ANGEL2: variants seen among roughly 807,000 people sequenced by gnomAD.
The protein encoded by ANGEL2 is RNA 2',3'-cyclic phosphatase ANGEL2.
ANGEL2 carries 41 observed loss-of-function variants against 66.0 expected under a neutral mutation model. That is an observed-to-expected ratio of 0.62 (90% CI 0.48 to 0.81). The LOEUF is 0.81. Among genes scored for constraint, ANGEL2 ranks in the 30% least tolerant of loss-of-function variants. The pLI is 0.00. For missense variants in ANGEL2, 561 were observed against 641.6 expected (o/e 0.87, Z 1.36); for synonymous variants, 208 against 226.5 (o/e 0.92, Z 0.73).
intron 5 of ANGEL2, 126 bp downstream of exon 5, chr1:213,004,907 T>TA (rs1212611257): frequency 3.3e-5 from 10 of 307,292 alleles, no homozygotes; most frequent in Admixed American, 1.0e-4. Context: ...TGGAAAATCA[T>TA]AGTTTGATAA....
At chr1:213,011,609 T>C (rs1045634682) in intron 2 of ANGEL2, 2 of 319,660 alleles carry the variant, frequency 6.3e-6, no homozygotes, top group African/African-American at 2.3e-5. Context: ...TGACATACAG[T>C]ATCTCATTTC....
In ANGEL2 at chr1:213,007,214, T is replaced by C. The variant is rs761421056; in HGVS notation, c.643-16A>G. The C allele has an allele frequency of 2.6e-6, 4 of 1,535,740 alleles. No homozygotes were observed. Among genetic ancestry groups the C allele is most frequent in the South Asian group, 1.3e-5 (1 of 79,636 alleles). ...AACAAAGTACCTTGGAAGAAAAAAA[T>C]AGCTTGAATTAGAACACAGAGATGC... On this transcript the variant is annotated splice_polypyrimidine_tract_variant and intron_variant, in intron 3 of 8. Transcript: ENST00000366962.
intron 2 of ANGEL2, among the ~76,000 whole-genome samples, chr1:213,010,870 T>G (rs1014571840): frequency 1.1e-4 from 16 of 152,352 alleles, no homozygotes; most frequent in Non-Finnish European, 2.1e-4. Context: ...CATTAAAGTT[T>G]ATAAACAACT....
chr1:213,015,441 A>C, intron 1 of ANGEL2, 172 bp downstream of exon 1: 1 of 1,425,400 alleles, frequency 7.0e-7, no homozygotes, highest in African/African-American at 1.4e-5. Flanking sequence ...GGGTTTACCT[A>C]TCCCGCTTGG....
chr1:213,005,601 A>C (rs1389229406), intron 4 of ANGEL2, 147 bp from the exon 5 acceptor site: 7 of 919,324 alleles, frequency 7.6e-6, no homozygotes, highest in Non-Finnish European at 9.5e-6. Context: ...TTGGAATAAA[A>C]AACGTTTGAC....
chr1:213,008,485 C>A lies in ANGEL2; in HGVS notation c.386-19G>T. The A allele has an allele frequency of 1.2e-6, 2 of 1,604,876 alleles. No individual in the cohort carries two copies. The highest frequency in any genetic ancestry group is 1.7e-6 in the Non-Finnish European group (2 of 1,175,560). On this transcript the variant is annotated intron_variant, in intron 2 of 8. Transcript: ENST00000366962. ...ATCACACCTGTTAAAATATATTGCA[C>A]AAATATAAGGAATTAATCAAAAGCA... is the stretch of plus-strand genomic sequence containing the variant.
chr1:213,000,985 TAAATA>T (rs1480250577), intron 5 of ANGEL2, 73 bp from the exon 6 acceptor site: 5 of 1,438,098 alleles, frequency 3.5e-6, no homozygotes, highest in South Asian at 1.3e-5. Flanking sequence ...ATTTATGTCT[TAAATA>T]AAAGGTAATC....
Position 213,005,360 on chromosome 1 carries a change from G to A in ANGEL2, c.807C>T (p.Asn269=), listed in dbSNP as rs753404842. The change falls in exon 5 of 9, where the codon AAC becomes AAT. Residue 269 remains asparagine, a synonymous_variant. Transcript: ENST00000366962. ...TATCAGGGCGGAAGAATTCCACTGG[G>A]TTCACTGACAAGAGTGAAAATTTGG... The part of the protein sequence containing the change: ...KHSKFSLLSV[N]PVEFFRPDIS... 2 of 1,614,216 alleles carry A rather than the reference G, an allele frequency of 1.2e-6. No homozygotes were observed. The highest frequency in any genetic ancestry group is 1.1e-5 in the South Asian group (1 of 91,082).
At chr1:213,005,497 ATATT>A in intron 4 of ANGEL2, 43 bp from the exon 5 acceptor site, 1 of 1,510,202 alleles carries the variant, frequency 6.6e-7, no homozygotes. Flanking sequence ...CTGCTTTTAT[ATATT>A]TATCAAAACA....
intron 2 of ANGEL2, among the ~76,000 whole-genome samples, chr1:213,011,751 T>C (rs2076515213): frequency 6.6e-6 from 1 of 152,212 alleles, no homozygotes; most frequent in African/African-American, 2.4e-5. Context: ...CCTAAATCAA[T>C]GCTTATGTAG....
intron 7 of ANGEL2, among the ~76,000 whole-genome samples, chr1:212,998,762 A>G (rs1338582465): frequency 1.3e-5 from 2 of 151,616 alleles, no homozygotes; most frequent in South Asian, 2.1e-4. Flanking sequence ...TCCTGACCTC[A>G]TGATCCGCCC....
In ANGEL2 at chr1:213,013,344, C is replaced by T. The variant is rs367786765; in HGVS notation, c.134G>A (p.Cys45Tyr). The T allele has an allele frequency of 1.9e-6, 3 of 1,614,062 alleles. No individual in the cohort carries two copies. The African/African-American group carries it at 4.0e-5, about 22-fold the overall frequency. ...WTTPWENLQRCCWNRHISSCM... is the reference protein window; with the variant it reads ...WTTPWENLQRYCWNRHISSCM... ...ACTAGAAATATGTCTGTTCCAGCAA[C>T]ACCTTTGCAGATTCTCCCACGGTGT... Residue 45 changes from cysteine to tyrosine, a missense_variant, in exon 2 of 9, where the codon TGT (cysteine) becomes TAT (tyrosine). Physicochemically the swap from Cys to Tyr is radical, Grantham distance 194 (BLOSUM62 -2). Coordinates refer to ENST00000366962, the MANE Select transcript of ANGEL2 (RefSeq NM_144567.5).
intron 8 of ANGEL2, 93 bp from the exon 9 acceptor site, chr1:212,995,285 C>G: frequency 8.8e-7 from 1 of 1,132,908 alleles, no homozygotes; most frequent in Non-Finnish European, 1.2e-6. Context: ...AAATATAGAA[C>G]TTGAGGCCCC....
chr1:212,998,117 G>A (rs569422919), intron 7 of ANGEL2, among the ~76,000 whole-genome samples: 7 of 152,060 alleles, frequency 4.6e-5, no homozygotes, highest in East Asian at 1.9e-4. Context: ...AGGGCCGGAC[G>A]CGGTGGCTCA....
At chr1:213,014,282 C>G (rs2076580906) in intron 1 of ANGEL2, among the ~76,000 whole-genome samples, 1 of 152,254 alleles carries the variant, frequency 6.6e-6, no homozygotes, top group Non-Finnish European at 1.5e-5. Flanking sequence ...TTCTTAACAG[C>G]TACATTTCTA....
Position 213,008,460 on chromosome 1 carries a change from A to C in ANGEL2, c.392T>G (p.Ile131Arg), listed in dbSNP as rs2076407264. 6.2e-7 allele frequency: 1 copy of C among 1,612,442 alleles called. No homozygotes were observed. The highest frequency in any genetic ancestry group is 8.5e-7 in the Non-Finnish European group (1 of 1,179,262). Residue 131 changes from isoleucine (I) to arginine (R), a missense_variant, in exon 3 of 9, where the codon ATA (isoleucine) becomes AGA (arginine). Ile to Arg is a moderately conservative substitution (Grantham distance 97). Coordinates refer to ENST00000366962, the MANE Select transcript of ANGEL2 (RefSeq NM_144567.5). ...SSKRRKHQGVIKRNWEYICSH... is the reference protein window; with the variant it reads ...SSKRRKHQGVRKRNWEYICSH... ...ACATATATATTCCCAATTCCGCTTT[A>C]TCACACCTGTTAAAATATATTGCAC...
chr1:213,000,914 T>G lies in ANGEL2; in HGVS notation c.1135-2A>C, dbSNP rs1572119717. ...TGAAGACTGTTCCTGGCCAGATACC[T>G]AAACAAAATTTCAACAGGTATCTTA... On this transcript the variant is annotated splice_acceptor_variant, in intron 5 of 8. Coordinates refer to ENST00000366962, the MANE Select transcript of ANGEL2 (RefSeq NM_144567.5). LOFTEE classifies it high-confidence loss of function. 6.2e-7 allele frequency: 1 copy of G among 1,603,580 alleles called. No individual in the cohort carries two copies.
In ANGEL2 at chr1:213,015,856, G is replaced by T; in HGVS notation, c.-185C>A. On this transcript the variant is annotated 5_prime_UTR_variant, in exon 1 of 9. It adds an upstream start codon to the 5' untranslated region. Transcript: ENST00000366962. Reference sequence around the variant, plus strand: ...GCCTACACTCCATCTTGCGCAGTCAGAGTCCCTGAATGCCTTAACCCGGAA... The same window carrying T: ...GCCTACACTCCATCTTGCGCAGTCATAGTCCCTGAATGCCTTAACCCGGAA... 1.4e-6 allele frequency: 1 copy of T among 693,764 alleles called. No individual in the cohort carries two copies. Among genetic ancestry groups the T allele is most frequent in the Non-Finnish European group, 2.4e-6 (1 of 419,026 alleles). The allele number at this position is 693,764 out of a possible 1,614,324, so 43.0% of individuals were successfully genotyped here. A position where few individuals can be genotyped will look rare whatever the true frequency, so the allele number is the denominator to read the frequency against.
At chr1:212,996,134 C>T (rs997979458) in intron 8 of ANGEL2, among the ~76,000 whole-genome samples, 1 of 151,642 alleles carries the variant, frequency 6.6e-6, no homozygotes, top group Non-Finnish European at 1.5e-5. Flanking sequence ...GGTGAAATCC[C>T]GTCTCTACTA....
Sources: allele counts gnomAD v4.1 joint callset (sites outside exome capture counted in the v4.1 genomes callset), GRCh38; gene constraint gnomAD v4.1.1; transcripts MANE v1.5; gene names NCBI Gene and HGNC (gene_info 2026-07-23, HGNC 2026-07-21).